NAV1: variants seen among roughly 807,000 people sequenced by gnomAD.
NAV1 encodes pore membrane and/or filament interacting like protein 3.
In NAV1, 18 loss-of-function variants were observed where a neutral mutation model predicts 175.2. The observed-to-expected ratio is 0.10, with a 90% CI of 0.07 to 0.15. NAV1 has a LOEUF of 0.15. NAV1 is among the 10% of genes least tolerant of loss of function. The probability of loss-of-function intolerance (pLI) is 1.00; values close to 1 mark genes in which losing one functional copy is unlikely to be tolerated. For synonymous variants in NAV1, 897 were observed against 978.7 expected, an observed-to-expected ratio of 0.92 and a Z score of 1.56; for missense variants, 1,731 against 2,436.6, an observed-to-expected ratio of 0.71 and a Z score of 6.10.
intron 3 of NAV1, among the ~76,000 whole-genome samples, chr1:201,752,805 A>G (rs529770850): frequency 2.0e-5 from 3 of 152,310 alleles, no homozygotes; most frequent in African/African-American, 7.2e-5. Flanking sequence ...CCAATTGTGC[A>G]AAGACATCCA....
intron 1 of NAV1, among the ~76,000 whole-genome samples, chr1:201,665,186 C>T (rs1669766908): frequency 6.7e-6 from 1 of 148,414 alleles, no homozygotes; most frequent in Non-Finnish European, 1.5e-5. Context: ...CCCCACCATT[C>T]TCCCAGCTCT....
intron 3 of NAV1, among the ~76,000 whole-genome samples, chr1:201,766,620 G>T (rs1250728717): frequency 6.6e-6 from 1 of 152,072 alleles, no homozygotes; most frequent in African/African-American, 2.4e-5. Context: ...ACCTAAAAAT[G>T]TTACCACATT....
At chr1:201,823,699 A>G (rs1679517795) in exon 30 of NAV1, 1 of 152,196 alleles carries the variant, frequency 6.6e-6, no homozygotes, top group Non-Finnish European at 1.5e-5. Context: ...CTTAAGTACT[A>G]AAGACAAAAT....
At chr1:201,570,709 C>T (rs1410967735) in intron 1 of NAV1, among the ~76,000 whole-genome samples, 1 of 152,222 alleles carries the variant, frequency 6.6e-6, no homozygotes, top group Admixed American at 6.5e-5. Context: ...AGGCAGTCTC[C>T]CTTTTCTGCT....
chr1:201,559,909 C>T (rs1034205957), intron 1 of NAV1, among the ~76,000 whole-genome samples: 7 of 152,202 alleles, frequency 4.6e-5, no homozygotes, highest in African/African-American at 1.4e-4. Context: ...CGCAGCTCTG[C>T]ATCTTGTGGG....
chr1:201,761,308 C>T (rs1224734696), intron 3 of NAV1, among the ~76,000 whole-genome samples: 1 of 152,148 alleles, frequency 6.6e-6, no homozygotes, highest in African/African-American at 2.4e-5. Context: ...GAGGGAACGC[C>T]TGGCAATTCA....
In NAV1 at chr1:201,782,955, T is replaced by A. The variant is rs1439771950; in HGVS notation, c.2357+86T>A. The A allele has an allele frequency of 8.4e-7, 1 of 1,183,880 alleles. No individual in the cohort carries two copies. The allele number at this position is 1,183,880 out of a possible 1,614,324, so 73.3% of individuals were successfully genotyped here. On this transcript the variant is annotated intron_variant, in intron 6 of 29. Transcript: ENST00000367296. This position sits in a 1 kb window ranked among gnomAD's most constrained non-coding sequence, Gnocchi z 5.4. ...TGCCCTCCTTGGACTAGATGAGGCA[T>A]GGCCTATCCACCGTTGTCTCTAGGC...
Position 201,750,794 on chromosome 1 carries a change from A to T in NAV1, c.1227-29627A>T, listed in dbSNP as rs936157971. ...GGCCTGCCTGCCTTTCTGAGATCGG[A>T]GGAGGCCTGGAGGGTGGGGTGAAGT... On this transcript the variant is annotated intron_variant, in intron 3 of 29. Coordinates refer to ENST00000367296, the Ensembl canonical transcript of NAV1. This position sits in a 1 kb window ranked among gnomAD's most constrained non-coding sequence, Gnocchi z 4.1. Among the ~76,000 whole-genome samples, 4 of 151,960 alleles carry T rather than the reference A, an allele frequency of 2.6e-5. No individual in the cohort carries two copies. The highest frequency in any genetic ancestry group is 4.2e-4 in the South Asian group (2 of 4,798).
At chr1:201,583,079 C>T (rs1315254574) in intron 1 of NAV1, among the ~76,000 whole-genome samples, 1 of 152,304 alleles carries the variant, frequency 6.6e-6, no homozygotes, top group South Asian at 2.1e-4. Flanking sequence ...TGCAGCTCAG[C>T]CCATCTTCTG....
intron 3 of NAV1, among the ~76,000 whole-genome samples, chr1:201,764,998 A>C (rs977081879): frequency 6.6e-5 from 10 of 152,204 alleles, no homozygotes; most frequent in Non-Finnish European, 1.0e-4. Context: ...TTTATCAGAA[A>C]GGAGAGTGAG....
chr1:201,649,300 A>G (rs1231990656), exon 1 of NAV1: 2 of 1,612,946 alleles, frequency 1.2e-6, no homozygotes, highest in Non-Finnish European at 1.7e-6. Context: ...GCCAAGGCGC[A>G]AAAGAGCTCT....
chr1:201,782,114 A>C lies in NAV1; in HGVS notation c.1664-62A>C. ...CCCTTCTCCCATGGAGGGAAAGAAAAGGGTGGGTTTTTAAGATACTGGTCA... is the reference window on the plus strand; with the variant it reads ...CCCTTCTCCCATGGAGGGAAAGAAACGGGTGGGTTTTTAAGATACTGGTCA... On this transcript the variant is annotated intron_variant, in intron 5 of 29. Transcript: ENST00000367296. The surrounding 1 kb of genome is among the most constrained non-coding windows in gnomAD (Gnocchi z 5.4). The C allele has an allele frequency of 7.1e-7, 1 of 1,412,056 alleles. No homozygotes were observed. 87.5% of individuals were successfully genotyped at this position (1,412,056 alleles called of 1,614,324 possible). A position where few individuals can be genotyped will look rare whatever the true frequency, so the allele number is the denominator to read the frequency against.
At chr1:201,771,868 A>C (rs1365003073) in intron 3 of NAV1, among the ~76,000 whole-genome samples, 1 of 152,266 alleles carries the variant, frequency 6.6e-6, no homozygotes, top group Non-Finnish European at 1.5e-5. Flanking sequence ...GAATTTCAGC[A>C]GAGTACTGAA....
At chr1:201,701,371 C>T (rs1031000832) in intron 1 of NAV1, among the ~76,000 whole-genome samples, 41 of 151,556 alleles carry the variant, frequency 2.7e-4, no homozygotes, top group Non-Finnish European at 4.9e-4. Context: ...ATGTAACAAA[C>T]CTGCACATTG....
chr1:201,696,719 T>C (rs980469098), intron 1 of NAV1, among the ~76,000 whole-genome samples: 3 of 152,158 alleles, frequency 2.0e-5, no homozygotes, highest in African/African-American at 7.2e-5. Context: ...TCATGTATCA[T>C]TCATTTTGGA....
intron 3 of NAV1, among the ~76,000 whole-genome samples, chr1:201,754,646 C>T (rs766212539): frequency 7.2e-5 from 11 of 152,164 alleles, no homozygotes; most frequent in Non-Finnish European, 1.3e-4. Flanking sequence ...GCGAAAAGTT[C>T]TCTCCATGTG....
chr1:201,765,514 C>T (rs998798733), intron 3 of NAV1, among the ~76,000 whole-genome samples: 2 of 151,456 alleles, frequency 1.3e-5, no homozygotes, highest in Admixed American at 6.6e-5. Flanking sequence ...TGTGCCTCAG[C>T]CTCCTGAGTA....
chr1:201,695,957 A>G (rs1282107661), intron 1 of NAV1, among the ~76,000 whole-genome samples: 1 of 152,208 alleles, frequency 6.6e-6, no homozygotes, highest in Non-Finnish European at 1.5e-5. Context: ...GGAGAGCAGA[A>G]ATGGGGCTGA....
At chr1:201,594,786 C>T (rs873260) in intron 2 of NAV1, among the ~76,000 whole-genome samples, 15,959 of 152,218 alleles carry the variant, frequency 0.1, 1,182 homozygotes, top group African/African-American at 0.21. Context: ...GGGCAGGCTC[C>T]ACCCTGAAAC....
Sources: allele counts gnomAD v4.1 joint callset (sites outside exome capture counted in the v4.1 genomes callset), GRCh38; gene constraint gnomAD v4.1.1; non-coding constraint Gnocchi (gnomAD v3.1); transcripts MANE v1.5; gene names NCBI Gene and HGNC (gene_info 2026-07-23, HGNC 2026-07-21).